Variants in PHF20L1 observed in about 807,000 individuals in gnomAD.
The protein encoded by PHF20L1 is PHD finger protein 20 like 1.
A neutral mutation model predicts 125.5 loss-of-function variants in PHF20L1; 44 were observed. The ratio of observed to expected loss-of-function variants is 0.35; its 90% CI spans 0.28 to 0.45. The LOEUF is 0.45. Among genes scored for constraint, PHF20L1 ranks in the 20% least tolerant of loss-of-function variants. PHF20L1 has a pLI of 1.00. For synonymous variants in PHF20L1, 380 were observed against 403.1 expected, an observed-to-expected ratio of 0.94 and a Z score of 0.69; for missense variants, 1,012 against 1,217.2, an observed-to-expected ratio of 0.83 and a Z score of 2.51.
chr8:132,847,518 G>T lies in PHF20L1; in HGVS notation c.*1595G>T, dbSNP rs1331797997. On this transcript the variant is annotated 3_prime_UTR_variant, in exon 21 of 21. Transcript: ENST00000395386. Reference sequence around the variant, plus strand: ...GTACATTCAGATATTATTTAAATTTGCAAACACATTGTTCTATATGTAAGG... The same window carrying T: ...GTACATTCAGATATTATTTAAATTTTCAAACACATTGTTCTATATGTAAGG... The T allele has an allele frequency of 1.3e-5, 2 of 152,488 alleles. No homozygotes were observed. The highest frequency in any genetic ancestry group is 2.9e-5 in the Non-Finnish European group (2 of 67,996). The allele number at this position is 152,488 out of a possible 1,614,324, so 9.4% of individuals were successfully genotyped here.
intron 15 of PHF20L1, among the ~76,000 whole-genome samples, chr8:132,835,734 A>C (rs181208689): frequency 6.6e-6 from 1 of 152,272 alleles, no homozygotes; most frequent in Non-Finnish European, 1.5e-5. Flanking sequence ...TGGTAAAGTC[A>C]TTAAGAACAC....
rs1236376376 is a variant in PHF20L1 at position 132,811,921 on chromosome 8, A to T, written c.930+793A>T. 1.9e-5 allele frequency: 19 copies of T among 976,720 alleles called. No homozygotes were observed. The East Asian group carries it at 1.9e-3, about 100-fold the overall frequency. The allele number at this position is 976,720 out of a possible 1,614,324, so 60.5% of individuals were successfully genotyped here. On this transcript the variant is annotated intron_variant, in intron 9 of 20. Coordinates refer to ENST00000395386, the MANE Select transcript of PHF20L1 (RefSeq NM_016018.5). ...CTTTATTAGTAGCCTAATAAAGAAG[A>T]CTTTGAGTATCTTTTGCTCTCCTCT...
Position 132,846,432 on chromosome 8 carries a change from T to G in PHF20L1, c.*509T>G, listed in dbSNP as rs923753604. 2 of 152,578 alleles carry G rather than the reference T, an allele frequency of 1.3e-5. No individual in the cohort carries two copies. Among genetic ancestry groups the G allele is most frequent in the Non-Finnish European group, 2.9e-5 (2 of 68,040 alleles). The allele number at this position is 152,578 out of a possible 1,614,324, so 9.5% of individuals were successfully genotyped here. ...ACGGAAATTTAGGGTATTTAAACTT[T>G]TAAAGGATCATGAGCTGTTTCTTGG... On this transcript the variant is annotated 3_prime_UTR_variant, in exon 21 of 21. Transcript: ENST00000395386.
chr8:132,840,616 C>A (rs1162350949), intron 18 of PHF20L1, among the ~76,000 whole-genome samples: 1 of 152,094 alleles, frequency 6.6e-6, no homozygotes, highest in Non-Finnish European at 1.5e-5. Flanking sequence ...GCTTTTTCCC[C>A]CAAACATCCC....
At chr8:132,817,568 T>C (rs1405775196) in intron 12 of PHF20L1, 23 bp downstream of exon 12, 2 of 1,546,828 alleles carry the variant, frequency 1.3e-6, no homozygotes, top group Non-Finnish European at 1.8e-6. Flanking sequence ...AAATAAAGGC[T>C]CCTATAAGTA....
At chr8:132,790,547 G>A (rs1225859520) in intron 2 of PHF20L1, among the ~76,000 whole-genome samples, 1 of 152,170 alleles carries the variant, frequency 6.6e-6, no homozygotes, top group Non-Finnish European at 1.5e-5. Flanking sequence ...CCCATCTGAT[G>A]TCTTACTAGT....
intron 16 of PHF20L1, among the ~76,000 whole-genome samples, 161 bp from the exon 17 acceptor site, chr8:132,837,551 A>T (rs914672226): frequency 6.6e-6 from 1 of 152,184 alleles, no homozygotes; most frequent in Non-Finnish European, 1.5e-5. Context: ...GATAAAATTC[A>T]TCTTAAGTCA....
At chr8:132,797,771 C>T (rs1322698339) in intron 4 of PHF20L1, among the ~76,000 whole-genome samples, 2 of 151,708 alleles carry the variant, frequency 1.3e-5, no homozygotes, top group Non-Finnish European at 2.9e-5. Flanking sequence ...AAAAAAAAAT[C>T]TTTGCACATA....
At chr8:132,842,931 AT>A in intron 19 of PHF20L1, 56 bp downstream of exon 19, 1 of 1,515,202 alleles carries the variant, frequency 6.6e-7, no homozygotes, top group East Asian at 2.3e-5. Context: ...ACAAAGGAAA[AT>A]TTTATAAAAT....
Position 132,847,910 on chromosome 8 carries a change from T to C in PHF20L1, c.*1987T>C. On this transcript the variant is annotated 3_prime_UTR_variant, in exon 21 of 21. Coordinates refer to ENST00000395386, the MANE Select transcript of PHF20L1 (RefSeq NM_016018.5). ...TGTCTATATTTTATGATTGATACTA[T>C]TATTTTTCCTTTGCATTTTAAAATA... 1 of 152,316 alleles carries C rather than the reference T, an allele frequency of 6.6e-6. No individual in the cohort carries two copies. Among genetic ancestry groups the C allele is most frequent in the East Asian group, 1.9e-4 (1 of 5,194 alleles). The allele number at this position is 152,316 out of a possible 1,614,324, so 9.4% of individuals were successfully genotyped here.
rs761512196 is a variant in PHF20L1, at chr8:132,794,518, A to G, written c.192A>G (p.Arg64=). 2.2e-5 allele frequency: 35 copies of G among 1,612,404 alleles called. 1 individual carries two copies. In the Middle Eastern group the frequency reaches 6.6e-4, roughly 30 times the overall value. Residue 64 remains arginine, a synonymous_variant, in exon 3 of 21, where the codon AGA becomes AGG. Transcript: ENST00000395386. ...AGTGGATTTACTGGGATAGCAATAG[A>G]TTGCGACCCCTTGAGAGACCAGCAC... ...YDEWIYWDSN[R]LRPLERPALR...
At chr8:132,776,010 C>T (rs576262231) in intron 1 of PHF20L1, among the ~76,000 whole-genome samples, 135 of 152,266 alleles carry the variant, frequency 8.9e-4, no homozygotes, top group South Asian at 6.8e-3. Flanking sequence ...TTGCTCATTT[C>T]TTCTTCCCTC....
intron 8 of PHF20L1, chr8:132,806,245 G>A (rs1350126424): frequency 1.3e-5 from 2 of 151,732 alleles, no homozygotes; most frequent in Non-Finnish European, 2.9e-5. Flanking sequence ...CAAGCTCAAC[G>A]TTTAAAGAAG....
chr8:132,778,843 A>G (rs770139213), intron 2 of PHF20L1, among the ~76,000 whole-genome samples: 8 of 152,142 alleles, frequency 5.3e-5, no homozygotes, highest in Non-Finnish European at 7.4e-5. Flanking sequence ...CTCCTCCTGA[A>G]GCCCGTTTAT....
chr8:132,816,811 TCCCA>T, intron 10 of PHF20L1, 73 bp from the exon 11 acceptor site: 3 of 924,328 alleles, frequency 3.2e-6, no homozygotes, highest in Admixed American at 2.0e-5. Context: ...AATCATTTTT[TCCCA>T]TTTATCTCCT....
In PHF20L1 at chr8:132,804,656, C is replaced by A; in HGVS notation, c.763C>A (p.Pro255Thr). 6.2e-7 allele frequency: 1 copy of A among 1,607,538 alleles called. No homozygotes were observed. The highest frequency in any genetic ancestry group is 8.5e-7 in the Non-Finnish European group (1 of 1,174,908). The change falls in exon 8 of 21, where the codon CCA (proline) becomes ACA (threonine). Residue 255 changes from proline to threonine, a missense_variant. By Grantham distance (38) the Pro-to-Thr change is conservative. Around this residue, in one of 7 missense-constraint regions of PHF20L1, gnomAD observed 134 missense variants for 145.9 expected, o/e 0.92. Transcript: ENST00000395386. ...ENVPKMVFPQ[P>T]ESTLSNKRKN... ...CGTTCCAAAGATGGTCTTTCCACAG[C>A]CAGAGAGCACATTATCAAACAAGAG...
chr8:132,792,969 T>C (rs1428783066), intron 2 of PHF20L1, among the ~76,000 whole-genome samples: 4 of 149,868 alleles, frequency 2.7e-5, no homozygotes, highest in East Asian at 1.9e-4. Context: ...TTTTTCTTTT[T>C]TTTTTTTTTT....
At chr8:132,810,478 C>A (rs1834255059) in intron 8 of PHF20L1, 1 of 152,176 alleles carries the variant, frequency 6.6e-6, no homozygotes, top group Non-Finnish European at 1.5e-5. Flanking sequence ...GAAAGACCCA[C>A]ACTTTTTCTC....
intron 8 of PHF20L1, chr8:132,809,487 G>A (rs1323135726): frequency 6.6e-6 from 1 of 152,094 alleles, no homozygotes; most frequent in East Asian, 1.9e-4. Context: ...ATTTTAATAT[G>A]TGAATTCCTA....
Sources: allele counts gnomAD v4.1 joint callset (sites outside exome capture counted in the v4.1 genomes callset), GRCh38; gene constraint gnomAD v4.1.1; regional missense constraint gnomAD v4.1.1; transcripts MANE v1.5; gene names NCBI Gene and HGNC (gene_info 2026-07-23, HGNC 2026-07-21).